The following ACOX3 variants were observed in gnomAD, a reference collection of about 807,000 sequenced individuals.
ACOX3 encodes acyl-CoA oxidase 3, pristanoyl.
In ACOX3, 73 loss-of-function variants were observed where a neutral mutation model predicts 81.5. The observed-to-expected ratio is 0.90, with a 90% confidence interval of 0.74 to 1.09. The LOEUF is 1.09. Ranked by LOEUF, ACOX3 falls within the 50% of genes least tolerant of loss-of-function variation. The pLI is 0.00. For missense variants in ACOX3, 947 were observed against 928.0 expected (o/e 1.02, Z -0.27); for synonymous variants, 387 against 375.1 (o/e 1.03, Z -0.37).
In ACOX3 at chr4:8,389,341, A is replaced by G; in HGVS notation, c.1424-55T>C. ...GAAGACAGGAACCCAAACCATTGGG[A>G]ACCCCAAGCTGGGGGCACCCCAAAG... On this transcript the variant is annotated intron_variant, in intron 12 of 17. Transcript: ENST00000356406. This position sits in a 1 kb window ranked among gnomAD's most constrained non-coding sequence, Gnocchi z 5.3. The G allele has an allele frequency of 2.0e-6, 3 of 1,537,988 alleles. No homozygotes were observed. The South Asian group carries it at 3.5e-5, about 18-fold the overall frequency.
chr4:8,408,891 TGGGGGGGGGGGG>T (rs1553847296), intron 6 of ACOX3, among the ~76,000 whole-genome samples: 2 of 25,790 alleles, frequency 7.8e-5, no homozygotes, highest in Non-Finnish European at 1.2e-4. Context: ...GAGCCCTCAC[TGGGGGGGGGGGG>T]TGGGGGGGGG....
the ACOX3 span, chr4:8,357,317 C>T: frequency 2.2e-6 from 1 of 451,446 alleles, no homozygotes. Flanking sequence ...AGGGGCAAAT[C>T]ACTGTCAATG....
intron 8 of ACOX3, among the ~76,000 whole-genome samples, chr4:8,397,688 G>T (rs964750680): frequency 1.3e-5 from 2 of 152,194 alleles, no homozygotes; most frequent in African/African-American, 4.8e-5. Context: ...GCTGCGGTGG[G>T]CACATCTAAT....
chr4:8,375,745 C>T (rs1716889892), intron 14 of ACOX3, among the ~76,000 whole-genome samples: 1 of 152,256 alleles, frequency 6.6e-6, no homozygotes, highest in Non-Finnish European at 1.5e-5. Flanking sequence ...TTAGCTCCCA[C>T]TTGTACATGT....
rs1404443072 is a variant in ACOX3 at position 8,385,332 on chromosome 4, C to T, written c.1538-3725G>A. ...CCACCGCTCACCTGTGACCTCACTG[C>T]TCACCTCACATGACCTCACTGTGCA... On this transcript the variant is annotated intron_variant, in intron 13 of 17. Coordinates refer to ENST00000356406, the MANE Select transcript of ACOX3 (RefSeq NM_003501.3). This position sits in a 1 kb window ranked among gnomAD's most constrained non-coding sequence, Gnocchi z 5.5. Among the ~76,000 whole-genome samples, 3 of 152,094 alleles carry T rather than the reference C, an allele frequency of 2.0e-5. No homozygotes were observed. Among genetic ancestry groups the T allele is most frequent in the Non-Finnish European group, 4.4e-5 (3 of 68,024 alleles).
chr4:8,373,578 G>A lies in ACOX3; in HGVS notation c.1879C>T (p.Leu627=). ...QAGEVLESAV[L]ALCSQLKDDA... ...CGGCTCACCTGGGAACACAAAGCCA[G>A]GACGGCGCTCTCCAACACTTCTCCC... Residue 627 remains leucine, a synonymous_variant, in exon 16 of 18, where the codon CTG becomes TTG. Transcript: ENST00000356406. 6.2e-7 allele frequency: 1 copy of A among 1,613,902 alleles called. No individual in the cohort carries two copies. Among genetic ancestry groups the A allele is most frequent in the Non-Finnish European group, 8.5e-7 (1 of 1,179,944 alleles).
downstream of ACOX3, among the ~76,000 whole-genome samples, chr4:8,365,610 A>G (rs555293135): frequency 2.6e-4 from 40 of 152,144 alleles, no homozygotes; most frequent in South Asian, 5.6e-3. Context: ...GGCACAGCTC[A>G]CCCCACGCGG....
At chr4:8,420,965 G>T (rs958449475) in intron 1 of ACOX3, among the ~76,000 whole-genome samples, 1 of 152,206 alleles carries the variant, frequency 6.6e-6, no homozygotes, top group Middle Eastern at 3.4e-3. Flanking sequence ...CATGACCCAC[G>T]GCTTCTAATA....
rs1718710329 is a variant in ACOX3, at chr4:8,389,553, A to G, written c.1423+59T>C. On this transcript the variant is annotated intron_variant, in intron 12 of 17. Transcript: ENST00000356406. This position sits in a 1 kb window ranked among gnomAD's most constrained non-coding sequence, Gnocchi z 5.3. Reference sequence around the variant, plus strand: ...ACAGCTGAATCAGTGAGGCCAGGAGAACCCACCCCTGCCCCAGTTGGGTTC... The same window carrying G: ...ACAGCTGAATCAGTGAGGCCAGGAGGACCCACCCCTGCCCCAGTTGGGTTC... 2 of 1,608,970 alleles carry G rather than the reference A, an allele frequency of 1.2e-6. No homozygotes were observed. The highest frequency in any genetic ancestry group is 2.2e-5 in the South Asian group (2 of 90,630).
chr4:8,414,715 G>A lies in ACOX3; in HGVS notation c.453+139C>T. 1 of 798,268 alleles carries A rather than the reference G, an allele frequency of 1.3e-6. No individual in the cohort carries two copies. The highest frequency in any genetic ancestry group is 1.6e-5 in the South Asian group (1 of 60,900). 49.4% of individuals were successfully genotyped at this position (798,268 alleles called of 1,614,324 possible). ...TAAAGAACAGTGCTAGCTATTTGGT[G>A]AGAAGCCTGAGAACACTAGGAAACA... On this transcript the variant is annotated intron_variant, in intron 4 of 17. Transcript: ENST00000356406. The surrounding 1 kb of genome is among the most constrained non-coding windows in gnomAD (Gnocchi z 6.1).
intron 7 of ACOX3, among the ~76,000 whole-genome samples, chr4:8,404,993 A>G (rs1720779323): frequency 6.6e-6 from 1 of 152,140 alleles, no homozygotes; most frequent in Admixed American, 6.5e-5. Context: ...GCCAGTGGCC[A>G]GGAAGTTCAA....
rs780524741 is a variant in ACOX3 at position 8,414,122 on chromosome 4, C to T, written c.543+170G>A. On this transcript the variant is annotated intron_variant, in intron 5 of 17. Transcript: ENST00000356406. This position sits in a 1 kb window ranked among gnomAD's most constrained non-coding sequence, Gnocchi z 6.1. The stretch of plus-strand genomic sequence containing the variant: ...GCTTTGTCCTCCAATGCCTGATCTC[C>T]TGGGCCCCACTTTTCAGTGTGATGA... 1.1e-4 allele frequency among the ~76,000 whole-genome samples: 17 copies of T among 152,188 alleles called. No homozygotes were observed. The highest frequency in any genetic ancestry group is 2.4e-4 in the Non-Finnish European group (16 of 68,026).
Position 8,373,620 on chromosome 4 carries a change from A to C in ACOX3, c.1837T>G (p.Phe613Val), listed in dbSNP as rs1183506619. 6.2e-7 allele frequency: 1 copy of C among 1,612,372 alleles called. No individual in the cohort carries two copies. The highest frequency in any genetic ancestry group is 8.5e-7 in the Non-Finnish European group (1 of 1,179,284). The change falls in exon 16 of 18, where the codon TTC becomes GTC. Residue 613 changes from phenylalanine to valine, a missense_variant. Transcript: ENST00000356406. ...ACTTCTCCCGCCTGCTCACCGGAGAAGTATCCTCCTGCAAGCACAGCCTCG... is the reference window on the plus strand; with the variant it reads ...ACTTCTCCCGCCTGCTCACCGGAGACGTATCCTCCTGCAAGCACAGCCTCG... ...HAALLYRGGY[F>V]SGEQAGEVLE...
intron 1 of ACOX3, among the ~76,000 whole-genome samples, chr4:8,428,867 G>C (rs937652750): frequency 6.6e-6 from 1 of 152,316 alleles, no homozygotes; most frequent in East Asian, 1.9e-4. Context: ...TTGAGGCCAG[G>C]AGTTTGAGAC....
chr4:8,409,196 G>T (rs1466994057), intron 6 of ACOX3, among the ~76,000 whole-genome samples: 1 of 152,236 alleles, frequency 6.6e-6, no homozygotes, highest in Non-Finnish European at 1.5e-5. Flanking sequence ...CGTAAAACTG[G>T]ACTTCATCGA....
intron 1 of ACOX3, among the ~76,000 whole-genome samples, chr4:8,425,134 T>C (rs957362836): frequency 1.3e-5 from 2 of 152,156 alleles, no homozygotes; most frequent in Non-Finnish European, 2.9e-5. Context: ...GAGATTACAA[T>C]TGGCTGTACA....
downstream of ACOX3, among the ~76,000 whole-genome samples, chr4:8,364,465 C>T (rs771753239): frequency 1.3e-5 from 2 of 151,830 alleles, no homozygotes; most frequent in African/African-American, 4.9e-5. The surrounding 1 kb of genome is among the most constrained non-coding windows in gnomAD (Gnocchi z 5.0). Flanking sequence ...ATTGTGGCAT[C>T]GCAAAGCTCT....
chr4:8,372,306 C>T (rs964600063), intron 16 of ACOX3, among the ~76,000 whole-genome samples: 1 of 152,172 alleles, frequency 6.6e-6, no homozygotes, highest in East Asian at 1.9e-4. Flanking sequence ...CACTACGTTG[C>T]CCAGGCTGGT....
intron 14 of ACOX3, among the ~76,000 whole-genome samples, chr4:8,378,945 G>T (rs1259248594): frequency 2.0e-5 from 3 of 152,188 alleles, no homozygotes; most frequent in Non-Finnish European, 2.9e-5. Flanking sequence ...CCTGATGCCT[G>T]TGGAAGTGTG....
Sources: gnomAD v4.1 joint callset for allele counts (sites outside exome capture counted in the v4.1 genomes callset) on GRCh38, gnomAD v4.1.1 for gene constraint, Gnocchi (gnomAD v3.1) non-coding constraint, MANE v1.5 for transcripts, NCBI Gene and HGNC (gene_info 2026-07-23, HGNC 2026-07-21) for gene names.